Variants in CNIH3 observed in about 807,000 individuals in gnomAD.
CNIH3 encodes protein cornichon homolog 3.
Under a neutral mutation model 24.1 loss-of-function variants are expected in CNIH3, and 14 were observed. That is an observed-to-expected ratio of 0.58 (90% CI 0.38 to 0.91). CNIH3 has a LOEUF of 0.91. Ranked by LOEUF, CNIH3 falls within the 40% of genes least tolerant of loss-of-function variation. The pLI is 0.00. For synonymous variants in CNIH3, 68 were observed against 73.8 expected, an observed-to-expected ratio of 0.92 and a Z score of 0.40; for missense variants, 178 against 196.8, an observed-to-expected ratio of 0.90 and a Z score of 0.57.
At chr1:224,682,881 C>G (rs943355548) in intron 2 of CNIH3, among the ~76,000 whole-genome samples, 1 of 152,204 alleles carries the variant, frequency 6.6e-6, no homozygotes, top group Non-Finnish European at 1.5e-5. Flanking sequence ...AGGGCAAATG[C>G]TAGGGAAGGA....
intron 1 of CNIH3, among the ~76,000 whole-genome samples, chr1:224,503,399 C>G (rs980381891): frequency 1.3e-5 from 2 of 152,162 alleles, no homozygotes; most frequent in African/African-American, 4.8e-5. Flanking sequence ...ACCCTCCCCC[C>G]TCTTATTTCC....
upstream of CNIH3, among the ~76,000 whole-genome samples, chr1:224,512,891 G>A (rs1678215630): frequency 1.3e-5 from 2 of 152,170 alleles, no homozygotes; most frequent in South Asian, 2.1e-4. Flanking sequence ...TCAGAGTCAA[G>A]CTGACCAGGG....
chr1:224,702,393 T>C (rs1009506672), intron 3 of CNIH3, among the ~76,000 whole-genome samples: 1 of 152,236 alleles, frequency 6.6e-6, no homozygotes. Context: ...TATAAATTTA[T>C]ACTTTTCTTA....
chr1:224,677,015 A>C (rs1469791105), intron 1 of CNIH3, among the ~76,000 whole-genome samples: 1 of 152,162 alleles, frequency 6.6e-6, no homozygotes. Context: ...TAATGGTAAC[A>C]CTCAGGTTTT....
chr1:224,575,120 C>G, intron 4 of CNIH3: 3 of 912,780 alleles, frequency 3.3e-6, no homozygotes, highest in East Asian at 2.4e-5. Context: ...AGGACCCTTC[C>G]CTCCTGGAAG....
chr1:224,706,293 A>G (rs930146817), intron 3 of CNIH3, among the ~76,000 whole-genome samples: 2 of 152,130 alleles, frequency 1.3e-5, no homozygotes, highest in African/African-American at 4.8e-5. Context: ...AGTCCCAGGA[A>G]TGGCTCTTGA....
intron 3 of CNIH3, among the ~76,000 whole-genome samples, chr1:224,695,357 A>AACAC (rs56245587): frequency 1.2e-3 from 173 of 145,852 alleles, no homozygotes; most frequent in Admixed American, 2.7e-3. Flanking sequence ...TCTCTTTCTA[A>AACAC]ACACACACAC....
chr1:224,501,505 C>CTA (rs201461305), intron 1 of CNIH3, among the ~76,000 whole-genome samples: 2,238 of 142,268 alleles, frequency 0.016, 53 homozygotes, highest in African/African-American at 0.047. Context: ...AGGCTTGAAC[C>CTA]TATATATATA....
At chr1:224,579,309 T>A (rs1681173012) in intron 4 of CNIH3, among the ~76,000 whole-genome samples, 1 of 152,214 alleles carries the variant, frequency 6.6e-6, no homozygotes, top group Non-Finnish European at 1.5e-5. Flanking sequence ...AATGCCGCAA[T>A]GAGTCTCAGC....
At chr1:224,523,473 A>T (rs979136786) in intron 2 of CNIH3, among the ~76,000 whole-genome samples, 2 of 152,198 alleles carry the variant, frequency 1.3e-5, no homozygotes, top group Non-Finnish European at 2.9e-5. Flanking sequence ...TCATTTATGT[A>T]AGACTCAAGA....
downstream of CNIH3, among the ~76,000 whole-genome samples, chr1:224,541,897 T>C (rs925824909): frequency 4.6e-5 from 7 of 152,318 alleles, no homozygotes; most frequent in South Asian, 6.2e-4. Flanking sequence ...AAGCATCACC[T>C]CCAATGGACT....
chr1:224,491,465 T>G (rs115045637), intron 1 of CNIH3, among the ~76,000 whole-genome samples: 3,842 of 152,280 alleles, frequency 0.025, 167 homozygotes, highest in African/African-American at 0.086. Context: ...TGATATACAA[T>G]TAAATAAATT....
intron 5 of CNIH3, among the ~76,000 whole-genome samples, chr1:224,737,439 G>A (rs987349734): frequency 6.6e-6 from 1 of 152,192 alleles, no homozygotes; most frequent in Non-Finnish European, 1.5e-5. Context: ...CTGGGTGGCC[G>A]CCACGGGCAC....
chr1:224,725,554 A>G (rs1269400266), intron 3 of CNIH3, among the ~76,000 whole-genome samples: 9 of 152,178 alleles, frequency 5.9e-5, no homozygotes. Flanking sequence ...CACAGCTTCT[A>G]CTGTCTTCAA....
chr1:224,602,430 T>C (rs935486135), intron 3 of CNIH3, among the ~76,000 whole-genome samples: 3 of 152,258 alleles, frequency 2.0e-5, no homozygotes, highest in Non-Finnish European at 2.9e-5. Flanking sequence ...CATTGTTTTC[T>C]GAAATTGATC....
intron 3 of CNIH3, among the ~76,000 whole-genome samples, chr1:224,560,485 T>G (rs1359381980): frequency 6.6e-6 from 1 of 152,132 alleles, no homozygotes. Context: ...GGTGAGCAAG[T>G]GCAGTTTCAT....
chr1:224,601,120 G>T (rs1489539737), intron 3 of CNIH3, among the ~76,000 whole-genome samples: 1 of 152,180 alleles, frequency 6.6e-6, no homozygotes, highest in African/African-American at 2.4e-5. Context: ...CTTGGAAGAG[G>T]CCCAAGCGAA....
At chr1:224,687,426 T>G (rs1311502776) in intron 3 of CNIH3, among the ~76,000 whole-genome samples, 3 of 152,086 alleles carry the variant, frequency 2.0e-5, no homozygotes, top group Non-Finnish European at 4.4e-5. Flanking sequence ...AGAGATGGGT[T>G]CTTGCTTTGT....
intron 3 of CNIH3, among the ~76,000 whole-genome samples, chr1:224,709,158 G>C (rs189134215): frequency 6.7e-6 from 1 of 149,480 alleles, no homozygotes; most frequent in Non-Finnish European, 1.5e-5. Flanking sequence ...GTAAGTGTGG[G>C]CTCTCCCCTA....
Sources: gnomAD v4.1 joint callset for allele counts (sites outside exome capture counted in the v4.1 genomes callset) on GRCh38, gnomAD v4.1.1 for gene constraint, MANE v1.5 for transcripts, NCBI Gene and HGNC (gene_info 2026-07-23, HGNC 2026-07-21) for gene names.